The following APBB3 variants were observed in gnomAD, a reference collection of about 807,000 sequenced individuals.
The protein encoded by APBB3 is amyloid-beta A4 precursor protein-binding family B member 3.
Under a neutral mutation model 61.5 loss-of-function variants are expected in APBB3, and 50 were observed. The ratio of observed to expected loss-of-function variants is 0.81; its 90% CI spans 0.65 to 1.03. The LOEUF (loss-of-function observed/expected upper bound fraction) is 1.03. APBB3 is among the 50% of genes least tolerant of loss of function. APBB3 has a pLI of 0.00. For missense variants in APBB3, 550 were observed against 637.4 expected, an observed-to-expected ratio of 0.86 and a Z score of 1.48; for synonymous variants, 235 against 233.0, an observed-to-expected ratio of 1.01 and a Z score of -0.08.
chr5:140,563,364 G>C, intron 3 of APBB3: 1 of 607,506 alleles, frequency 1.6e-6, no homozygotes, highest in Non-Finnish European at 2.9e-6. Flanking sequence ...GAACATGATA[G>C]GTTAGGACCA....
chr5:140,562,510 G>A lies in APBB3; in HGVS notation c.352-11C>T, dbSNP rs758810078. The stretch of plus-strand genomic sequence containing the variant: ...GCGGACTGCAAAGCACTGACAGGTT[G>A]GGGGAAGGGACAGGAATTAATAAGG... On this transcript the variant is annotated splice_polypyrimidine_tract_variant and intron_variant, in intron 4 of 12. Transcript: ENST00000357560. The A allele has an allele frequency of 1.2e-6, 2 of 1,613,570 alleles. No homozygotes were observed. The highest frequency in any genetic ancestry group is 2.7e-5 in the African/African-American group (2 of 74,926).
At position 140,564,343 on chromosome 5, in the gene APBB3, G is replaced by T; in HGVS notation, c.-98C>A. 1 of 1,469,456 alleles carries T rather than the reference G, an allele frequency of 6.8e-7. No homozygotes were observed. Among genetic ancestry groups the T allele is most frequent in the South Asian group, 1.2e-5 (1 of 86,054 alleles). The allele number at this position is 1,469,456 out of a possible 1,614,324, so 91.0% of individuals were successfully genotyped here. ...CCTGCAAGCCCAGCCTCTCTGCGCC[G>T]CAGGCTGCGGGGCCAGCTGGCGCCG... On this transcript the variant is annotated 5_prime_UTR_variant, in exon 1 of 13. Coordinates refer to ENST00000357560, the MANE Select transcript of APBB3 (RefSeq NM_133173.3). This position sits in a 1 kb window ranked among gnomAD's most constrained non-coding sequence, Gnocchi z 5.0.
At position 140,560,397 on chromosome 5, in the gene APBB3, C is replaced by T. The variant is rs747799495; in HGVS notation, c.1140G>A (p.Leu380=). The part of the protein sequence containing the change: ...DPHTFGLIAD[L]GRQSFQCAAF... ...CTGCGCACTGGAAGCTCTGACGGCC[C>T]AGGTCAGCGATGAGGCCAAAGGTGT... is the stretch of plus-strand genomic sequence containing the variant. Residue 380 remains leucine, a synonymous_variant, in exon 12 of 13, where the codon CTG becomes CTA. Transcript: ENST00000357560. The surrounding 1 kb of genome is among the most constrained non-coding windows in gnomAD (Gnocchi z 5.1). 2.5e-6 allele frequency: 4 copies of T among 1,614,214 alleles called. No individual in the cohort carries two copies. The Admixed American group carries it at 6.7e-5, about 27-fold the overall frequency.
intron 9 of APBB3, 82 bp downstream of exon 9, chr5:140,561,283 T>C: frequency 6.5e-7 from 1 of 1,538,696 alleles, no homozygotes; most frequent in South Asian, 1.1e-5. Flanking sequence ...TCCACAGAAG[T>C]ATTAAATAAC....
rs73267684 is a variant in APBB3, at chr5:140,561,828, C to G, written c.632+16G>C. ...GACATCAGGGATGGGGCTCAGGATACCTGGTTTTCACTCACCTGTCACTGT... is the reference window on the plus strand; with the variant it reads ...GACATCAGGGATGGGGCTCAGGATAGCTGGTTTTCACTCACCTGTCACTGT... On this transcript the variant is annotated intron_variant, in intron 7 of 12. Transcript: ENST00000357560. 3,546 of 1,613,792 alleles carry G rather than the reference C, an allele frequency of 2.2e-3. 72 individuals are homozygous for G. In the African/African-American group the frequency reaches 0.041, roughly 19 times the overall value.
rs549493604 is a variant in APBB3, at chr5:140,563,441, A to T, written c.290+153T>A. On this transcript the variant is annotated intron_variant, in intron 3 of 12. Coordinates refer to ENST00000357560, the MANE Select transcript of APBB3 (RefSeq NM_133173.3). Reference sequence around the variant, plus strand: ...AAGGGATAAAACTCAAAATACTGACAGTTAAGAACCTGGGACAGAGCCAAG... The same window carrying T: ...AAGGGATAAAACTCAAAATACTGACTGTTAAGAACCTGGGACAGAGCCAAG... 1.2e-4 allele frequency: 95 copies of T among 778,802 alleles called. 2 individuals are homozygous for T. In the South Asian group the frequency reaches 1.4e-3, roughly 12 times the overall value. 48.2% of individuals were successfully genotyped at this position (778,802 alleles called of 1,614,324 possible).
Position 140,561,698 on chromosome 5 carries a change from G to A in APBB3, c.636C>T (p.Asp212=), listed in dbSNP as rs1397270791. Residue 212 remains aspartate (D), a synonymous_variant, in exon 8 of 13, where the codon GAC becomes GAT. Coordinates refer to ENST00000357560, the MANE Select transcript of APBB3 (RefSeq NM_133173.3). The part of the protein sequence containing the change: ...GVGSSKGRDR[D]FAFVASDKDS... The stretch of plus-strand genomic sequence containing the variant: ...CTTTGTCACTTGCCACAAAAGCGAA[G>A]TCCCTAGCAGGGGCAGAGATGGGGC... 1 of 1,614,214 alleles carries A rather than the reference G, an allele frequency of 6.2e-7. No homozygotes were observed. The highest frequency in any genetic ancestry group is 8.5e-7 in the Non-Finnish European group (1 of 1,180,032).
rs868116147 is a variant in APBB3, at chr5:140,558,670, C to T, written c.1376G>A (p.Gly459Asp). Residue 459 changes from glycine (G) to aspartate (D), a missense_variant, in exon 13 of 13, where the codon GGT becomes GAT. Gly to Asp is a moderately conservative substitution (Grantham distance 94). Around this residue, in one of 3 missense-constraint regions of APBB3, gnomAD observed 138 missense variants for 132.6 expected, o/e 1.04. Coordinates refer to ENST00000357560, the MANE Select transcript of APBB3 (RefSeq NM_133173.3). ...PLPLLKGGVG[G>D]AGATPRKRGV... ...CCGCTTTCGAGGGGTTGCCCCTGCA[C>T]CGCCAACCCCTCCTTTGAGCAGGGG... The T allele has an allele frequency of 1.2e-6, 2 of 1,613,530 alleles. No individual in the cohort carries two copies. Among genetic ancestry groups the T allele is most frequent in the Non-Finnish European group, 1.7e-6 (2 of 1,179,832 alleles).
chr5:140,560,911 C>T lies in APBB3; in HGVS notation c.916+107G>A. On this transcript the variant is annotated intron_variant, in intron 10 of 12. Transcript: ENST00000357560. The surrounding 1 kb of genome is among the most constrained non-coding windows in gnomAD (Gnocchi z 5.1). ...TTGGGAAGGCTGGTAGACCCCAGGC[C>T]ATAACAAGGCCACGGGAGGACTCTT... 4.9e-6 allele frequency: 7 copies of T among 1,421,232 alleles called. No individual in the cohort carries two copies. The highest frequency in any genetic ancestry group is 1.4e-5 in the African/African-American group (1 of 71,288). The allele number at this position is 1,421,232 out of a possible 1,614,324, so 88.0% of individuals were successfully genotyped here.
rs1044005154 is a variant in APBB3, at chr5:140,562,795, T to C, written c.291-72A>G. ...GGACACTGGTGAGGCCTAGACAACT[T>C]GATAAGCACAGGATGAGGGGCAAGA... On this transcript the variant is annotated intron_variant, in intron 3 of 12. Transcript: ENST00000357560. The C allele has an allele frequency of 4.0e-6, 6 of 1,484,106 alleles. No individual in the cohort carries two copies. In the Admixed American group the frequency reaches 8.5e-5, roughly 21 times the overall value. 91.9% of individuals were successfully genotyped at this position (1,484,106 alleles called of 1,614,324 possible). A position where few individuals can be genotyped will look rare whatever the true frequency, so the allele number is the denominator to read the frequency against.
In APBB3 at chr5:140,564,355, G is replaced by T; in HGVS notation, c.-110C>A. ...GCCTCTCTGCGCCGCAGGCTGCGGG[G>T]CCAGCTGGCGCCGCACAAATACGGG... On this transcript the variant is annotated 5_prime_UTR_variant, in exon 1 of 13. Coordinates refer to ENST00000357560, the MANE Select transcript of APBB3 (RefSeq NM_133173.3). This position sits in a 1 kb window ranked among gnomAD's most constrained non-coding sequence, Gnocchi z 5.0. 7.4e-7 allele frequency: 1 copy of T among 1,348,290 alleles called. No individual in the cohort carries two copies. Among genetic ancestry groups the T allele is most frequent in the Non-Finnish European group, 1.0e-6 (1 of 973,806 alleles). 83.5% of individuals were successfully genotyped at this position (1,348,290 alleles called of 1,614,324 possible).
In APBB3 at chr5:140,563,781, C is replaced by T. The variant is rs772814353; in HGVS notation, c.184G>A (p.Glu62Lys). 1 of 1,614,156 alleles carries T rather than the reference C, an allele frequency of 6.2e-7. No individual in the cohort carries two copies. The highest frequency in any genetic ancestry group is 1.1e-5 in the South Asian group (1 of 91,078). ...GSTQWQRPTW[E>K]LGDAEDPGTG... ...CCTGGGTCCTCTGCATCTCCTAGTT[C>T]CCAGGTTGGGCGCTGCCACTGGGTG... is the stretch of plus-strand genomic sequence containing the variant. The change falls in exon 2 of 13, where the codon GAA becomes AAA. Residue 62 changes from glutamate (E) to lysine (K), a missense_variant. By Grantham distance (56) the Glu-to-Lys change is moderately conservative (BLOSUM62 1). Coordinates refer to ENST00000357560, the MANE Select transcript of APBB3 (RefSeq NM_133173.3).
rs7734425 is a variant in APBB3, at chr5:140,562,275, A to G, written c.499-48T>C. ...CAGAGCTCAGATAAAGGTCATTGCC[A>G]TGAGAAATAGGAAATTCAGGGACAG... On this transcript the variant is annotated intron_variant, in intron 5 of 12. Coordinates refer to ENST00000357560, the MANE Select transcript of APBB3 (RefSeq NM_133173.3). The G allele has an allele frequency of 3.2e-3, 5,155 of 1,612,022 alleles. 146 individuals are homozygous for G. The African/African-American group carries it at 0.058, about 18-fold the overall frequency.
In APBB3 at chr5:140,560,421, G is replaced by A. The variant is rs1208175483; in HGVS notation, c.1116C>T (p.His372=). 3.1e-6 allele frequency: 5 copies of A among 1,614,110 alleles called. No individual in the cohort carries two copies. The South Asian group carries it at 3.3e-5, about 11-fold the overall frequency. ...CCAGGTCAGCGATGAGGCCAAAGGT[G>A]TGTGGGTCGCGGCCAACACCAATAA... ...VTFIGVGRDP[H]TFGLIADLGR... is the part of the protein sequence containing the mutation. Residue 372 remains histidine (H), a synonymous_variant, in exon 12 of 13, where the codon CAC becomes CAT. Coordinates refer to ENST00000357560, the MANE Select transcript of APBB3 (RefSeq NM_133173.3). This position sits in a 1 kb window ranked among gnomAD's most constrained non-coding sequence, Gnocchi z 5.1.
In APBB3 at chr5:140,562,002, C is replaced by A. The variant is rs763805380; in HGVS notation, c.626+98G>T. 2.5e-6 allele frequency: 4 copies of A among 1,612,330 alleles called. No individual in the cohort carries two copies. In the African/African-American group the frequency reaches 4.0e-5, roughly 16 times the overall value. ...TGGGTCCACATCAGAGGATCTGTGT[C>A]CAGGGGTTCAAGTACTGGGGATCAG... On this transcript the variant is annotated intron_variant, in intron 6 of 12. Coordinates refer to ENST00000357560, the MANE Select transcript of APBB3 (RefSeq NM_133173.3).
In APBB3 at chr5:140,564,103, TATCCC is replaced by T; in HGVS notation, c.49+89_49+93del. 10 of 1,560,740 alleles carry T rather than the reference TATCCC, an allele frequency of 6.4e-6. No individual in the cohort carries two copies. The highest frequency in any genetic ancestry group is 8.8e-6 in the Non-Finnish European group (10 of 1,140,628). Reference sequence around the variant, plus strand: ...GCCCCCTGGTCCCTACACAGAGAGGTATCCCCCACCGTCTTTGAGCCCCAGAGTAG... The same window carrying T: ...GCCCCCTGGTCCCTACACAGAGAGGTCCACCGTCTTTGAGCCCCAGAGTAG... On this transcript the variant is annotated intron_variant, in intron 1 of 12. Coordinates refer to ENST00000357560, the MANE Select transcript of APBB3 (RefSeq NM_133173.3). This position sits in a 1 kb window ranked among gnomAD's most constrained non-coding sequence, Gnocchi z 5.0.
chr5:140,561,287 A>G (rs1200202540), intron 9 of APBB3, 78 bp downstream of exon 9: 3 of 1,547,318 alleles, frequency 1.9e-6, no homozygotes, highest in East Asian at 2.2e-5. Flanking sequence ...CAGAAGTATT[A>G]AATAACCAGA....
chr5:140,564,034 C>T lies in APBB3; in HGVS notation c.50-119G>A, dbSNP rs1755094353. The T allele has an allele frequency of 2.7e-6, 4 of 1,467,818 alleles. No individual in the cohort carries two copies. Among genetic ancestry groups the T allele is most frequent in the African/African-American group, 1.4e-5 (1 of 71,548 alleles). 90.9% of individuals were successfully genotyped at this position (1,467,818 alleles called of 1,614,324 possible). A position where few individuals can be genotyped will look rare whatever the true frequency, so the allele number is the denominator to read the frequency against. ...TCAGTTCTTAGGCTGAAGATCCAGGCTCCTCAATCTTGAAGACATCACATG... is the reference window on the plus strand; with the variant it reads ...TCAGTTCTTAGGCTGAAGATCCAGGTTCCTCAATCTTGAAGACATCACATG... On this transcript the variant is annotated intron_variant, in intron 1 of 12. Transcript: ENST00000357560. The surrounding 1 kb of genome is among the most constrained non-coding windows in gnomAD (Gnocchi z 5.0).
chr5:140,563,821 A>G lies in APBB3; in HGVS notation c.144T>C (p.His48=). 1 of 1,614,176 alleles carries G rather than the reference A, an allele frequency of 6.2e-7. No individual in the cohort carries two copies. The change falls in exon 2 of 13, where the codon CAT becomes CAC. Residue 48 remains histidine (H), a synonymous_variant. Transcript: ENST00000357560. ...GCCACTGGGTGCTACCGCTGGGTACATGCCAGTAGTAAGTACCTGCAGCAT... is the reference window on the plus strand; with the variant it reads ...GCCACTGGGTGCTACCGCTGGGTACGTGCCAGTAGTAAGTACCTGCAGCAT... ...IHDAAGTYYW[H]VPSGSTQWQR...
Sources: gnomAD v4.1 joint callset for allele counts on GRCh38, gnomAD v4.1.1 for gene constraint, gnomAD v4.1.1 regional missense constraint, Gnocchi (gnomAD v3.1) non-coding constraint, MANE v1.5 for transcripts, NCBI Gene and HGNC (gene_info 2026-07-23, HGNC 2026-07-21) for gene names.